PDZD2: variants seen among roughly 807,000 people sequenced by gnomAD.
PDZD2 encodes the protein PDZ domain containing 2.
In PDZD2, 90 loss-of-function variants were observed where a neutral mutation model predicts 220.7. The ratio of observed to expected loss-of-function variants is 0.41; its 90% CI spans 0.34 to 0.49. The LOEUF is 0.49. Among genes scored for constraint, PDZD2 ranks in the 20% least tolerant of loss-of-function variants. The pLI, the probability that PDZD2 is intolerant of heterozygous loss-of-function variation, is 0.28. For missense variants in PDZD2, 3,174 were observed against 3,608.5 expected (o/e 0.88, Z 3.08); for synonymous variants, 1,375 against 1,450.5 (o/e 0.95, Z 1.18).
At chr5:31,706,672 C>G (rs1003003915) in intron 1 of PDZD2, among the ~76,000 whole-genome samples, 1 of 151,984 alleles carries the variant, frequency 6.6e-6, no homozygotes, top group African/African-American at 2.4e-5. Context: ...GGTGAAACCC[C>G]GTCTCTATTA....
At chr5:31,917,653 C>G (rs1007728288) in intron 2 of PDZD2, among the ~76,000 whole-genome samples, 1 of 152,204 alleles carries the variant, frequency 6.6e-6, no homozygotes, top group Non-Finnish European at 1.5e-5. Context: ...TCTCACACTA[C>G]TCTAAAGACA....
At chr5:32,009,889 C>G (rs1171853859) in intron 5 of PDZD2, among the ~76,000 whole-genome samples, 2 of 151,862 alleles carry the variant, frequency 1.3e-5, no homozygotes, top group Non-Finnish European at 2.9e-5. Flanking sequence ...GTCAGCAGTT[C>G]GAGACCAGCC....
At chr5:31,843,163 G>C (rs1010772380) in intron 2 of PDZD2, 2 of 152,138 alleles carry the variant, frequency 1.3e-5, no homozygotes, top group African/African-American at 2.4e-5. Flanking sequence ...TTATAGGCGT[G>C]AGCTACCGTG....
At chr5:31,770,156 G>A (rs16901545) in intron 1 of PDZD2, among the ~76,000 whole-genome samples, 9,163 of 152,222 alleles carry the variant, frequency 0.06, 336 homozygotes, top group Non-Finnish European at 0.087. Flanking sequence ...TGTTTGTGGA[G>A]GAAAAATAAA....
intron 2 of PDZD2, among the ~76,000 whole-genome samples, chr5:31,808,962 G>T (rs970884697): frequency 4.7e-5 from 7 of 150,378 alleles, no homozygotes; most frequent in African/African-American, 1.7e-4. Flanking sequence ...CTGGGCAACA[G>T]AGCAAGACTC....
chr5:32,025,591 CTTTTTTTT>C lies in PDZD2; in HGVS notation c.1408-11619_1408-11612del, dbSNP rs70957998. Among the ~76,000 whole-genome samples, 49 of 67,526 alleles carry C rather than the reference CTTTTTTTT, an allele frequency of 7.3e-4. 1 individual carries two copies. The highest frequency in any genetic ancestry group is 2.0e-3 in the Admixed American group (9 of 4,536). The allele number at this position is 67,526 out of a possible 152,430, so 44.3% of individuals were successfully genotyped here. A position where few individuals can be genotyped will look rare whatever the true frequency, so the allele number is the denominator to read the frequency against. On this transcript the variant is annotated intron_variant, in intron 6 of 24. Transcript: ENST00000438447. The stretch of plus-strand genomic sequence containing the variant: ...AGTGAGCCCAAATGTAACCATGATG[CTTTTTTTT>C]TTTTTTTTTTTTTTTTTTTTGGAAA...
chr5:31,696,830 G>C (rs1257574945), intron 1 of PDZD2, among the ~76,000 whole-genome samples: 1 of 152,146 alleles, frequency 6.6e-6, no homozygotes, highest in Non-Finnish European at 1.5e-5. Flanking sequence ...ACAGCTTTAG[G>C]TACGCTGAAT....
intron 2 of PDZD2, among the ~76,000 whole-genome samples, chr5:31,878,599 G>A (rs534248305): frequency 1.2e-3 from 124 of 107,580 alleles, no homozygotes; most frequent in South Asian, 1.9e-3. Flanking sequence ...TCTCGCTGTC[G>A]CCCAGGCTGG....
At chr5:31,897,108 A>C (rs567386789) in intron 2 of PDZD2, among the ~76,000 whole-genome samples, 1 of 151,970 alleles carries the variant, frequency 6.6e-6, no homozygotes, top group Admixed American at 6.6e-5. Flanking sequence ...GTGTCTATAC[A>C]TCACTCGTGA....
intron 1 of PDZD2, among the ~76,000 whole-genome samples, chr5:31,730,805 G>C (rs1561414269): frequency 6.6e-6 from 1 of 152,170 alleles, no homozygotes; most frequent in Non-Finnish European, 1.5e-5. Flanking sequence ...ATTGGTTTAA[G>C]AGGAAAAAGA....
rs771547233 is a variant in PDZD2, at chr5:32,087,933, A to G, written c.4485A>G (p.Pro1495=). ...GGGCTGCTGGTGCCCCCGCCTACCC[A>G]CAATGGGCCTCCCAGCCTTCGGTTT... The part of the protein sequence containing the change: ...RAWAAGAPAY[P]QWASQPSVLD... Residue 1495 remains proline, a synonymous_variant, in exon 20 of 25, where the codon CCA becomes CCG. Coordinates refer to ENST00000438447, the MANE Select transcript of PDZD2 (RefSeq NM_178140.4). The surrounding 1 kb of genome is among the most constrained non-coding windows in gnomAD (Gnocchi z 4.0). 1.2e-6 allele frequency: 2 copies of G among 1,613,942 alleles called. No homozygotes were observed. The highest frequency in any genetic ancestry group is 3.3e-5 in the Admixed American group (2 of 60,014).
chr5:31,714,247 C>G (rs1315725932), intron 1 of PDZD2, among the ~76,000 whole-genome samples: 4 of 152,220 alleles, frequency 2.6e-5, no homozygotes, highest in African/African-American at 9.6e-5. Flanking sequence ...TGAAGCAGAA[C>G]TGTGGGTCAG....
chr5:31,765,553 A>G (rs1356016982), intron 1 of PDZD2, among the ~76,000 whole-genome samples: 1 of 152,194 alleles, frequency 6.6e-6, no homozygotes, highest in East Asian at 1.9e-4. Flanking sequence ...TAGCTCGGGA[A>G]AATATGGCTC....
chr5:31,737,383 A>T (rs1026006446), intron 1 of PDZD2, among the ~76,000 whole-genome samples: 1 of 152,020 alleles, frequency 6.6e-6, no homozygotes, highest in African/African-American at 2.4e-5. Context: ...CGTGTTAGCC[A>T]GGATGGTCTT....
intron 1 of PDZD2, among the ~76,000 whole-genome samples, chr5:31,728,127 G>T: frequency 6.6e-6 from 1 of 151,600 alleles, no homozygotes; most frequent in East Asian, 1.9e-4. Context: ...CAGCATTATT[G>T]ACATTTTGGG....
intron 13 of PDZD2, 46 bp from the exon 14 acceptor site, chr5:32,060,956 G>A (rs781459796): frequency 1.4e-5 from 23 of 1,607,886 alleles, no homozygotes; most frequent in South Asian, 1.2e-4. Context: ...TTAGCTTTAA[G>A]AAGCTGGCTG....
chr5:31,934,395 G>A (rs1745546048), intron 2 of PDZD2, among the ~76,000 whole-genome samples: 1 of 151,922 alleles, frequency 6.6e-6, no homozygotes. Context: ...TTGGAGACTA[G>A]GAACTAATCC....
At chr5:32,050,220 C>T (rs558350105) in intron 8 of PDZD2, among the ~76,000 whole-genome samples, 1 of 152,266 alleles carries the variant, frequency 6.6e-6, no homozygotes, top group East Asian at 1.9e-4. Flanking sequence ...CGTGAGCCAC[C>T]GTGCCCGGCC....
intron 6 of PDZD2, among the ~76,000 whole-genome samples, chr5:32,032,297 G>C (rs188136189): frequency 6.6e-6 from 1 of 152,244 alleles, no homozygotes; most frequent in Non-Finnish European, 1.5e-5. Flanking sequence ...TTCTTTGTTA[G>C]CTTTCCTGCT....
Sources: gnomAD v4.1 joint callset for allele counts (sites outside exome capture counted in the v4.1 genomes callset) on GRCh38, gnomAD v4.1.1 for gene constraint, Gnocchi (gnomAD v3.1) non-coding constraint, MANE v1.5 for transcripts, NCBI Gene and HGNC (gene_info 2026-07-23, HGNC 2026-07-21) for gene names.